The following COL27A1 variants were observed in gnomAD, a reference collection of about 807,000 sequenced individuals.
COL27A1 encodes the protein collagen type XXVII alpha 1 chain.
Under a neutral mutation model 251.3 loss-of-function variants are expected in COL27A1, and 106 were observed. That is an observed-to-expected ratio of 0.42 (90% CI 0.36 to 0.50). COL27A1 has a LOEUF of 0.50. COL27A1 is among the 20% of genes least tolerant of loss of function. The pLI, the probability that COL27A1 is intolerant of heterozygous loss-of-function variation, is 0.00. For missense variants in COL27A1, 2,325 were observed against 2,522.8 expected (o/e 0.92, Z 1.68); for synonymous variants, 1,000 against 986.3 (o/e 1.01, Z -0.26).
Position 114,168,832 on chromosome 9 carries a change from T to A in COL27A1, c.1277T>A (p.Ile426Asn), listed in dbSNP as rs779837538. ...GTCTCCCGTCCCGCAGAGAAGCCCATCCAGAGGAACCCGGGAATGCCCAGG... is the reference window on the plus strand; with the variant it reads ...GTCTCCCGTCCCGCAGAGAAGCCCAACCAGAGGAACCCGGGAATGCCCAGG... ...ARVSRPAEKP[I>N]QRNPGMPRPP... Residue 426 changes from isoleucine (I) to asparagine (N), a missense_variant, in exon 3 of 61, where the codon ATC becomes AAC. Around this residue, in one of 4 missense-constraint regions of COL27A1, gnomAD observed 1,183 missense variants for 1,144.1 expected, o/e 1.03. Transcript: ENST00000356083. 3 of 1,613,696 alleles carry A rather than the reference T, an allele frequency of 1.9e-6. No individual in the cohort carries two copies. The East Asian group carries it at 6.7e-5, about 36-fold the overall frequency.
intron 5 of COL27A1, among the ~76,000 whole-genome samples, chr9:114,191,735 A>G (rs1440926054): frequency 6.6e-6 from 1 of 152,212 alleles, no homozygotes; most frequent in Non-Finnish European, 1.5e-5. Context: ...ATACAAGTGC[A>G]TGTATCTTTG....
chr9:114,282,685 C>T (rs527451844), intron 39 of COL27A1, 121 bp downstream of exon 39: 19 of 643,466 alleles, frequency 3.0e-5, no homozygotes, highest in South Asian at 2.3e-4. Flanking sequence ...AGCTGAACAC[C>T]TGGTGCTCAT....
chr9:114,267,434 C>T, intron 33 of COL27A1, 70 bp from the exon 34 acceptor site: 1 of 1,388,442 alleles, frequency 7.2e-7, no homozygotes, highest in East Asian at 2.4e-5. Context: ...CTTGGAGCCT[C>T]AGTTACCCCC....
intron 3 of COL27A1, among the ~76,000 whole-genome samples, chr9:114,174,708 C>T (rs1022402691): frequency 6.6e-6 from 1 of 152,208 alleles, no homozygotes; most frequent in African/African-American, 2.4e-5. Flanking sequence ...GCTGGACAAA[C>T]TAAGGCCCGG....
chr9:114,184,193 G>A (rs571406756), intron 5 of COL27A1, among the ~76,000 whole-genome samples: 2 of 152,364 alleles, frequency 1.3e-5, no homozygotes, highest in Non-Finnish European at 2.9e-5. Flanking sequence ...ACCAGGTGAA[G>A]AGCACCCCCG....
intron 56 of COL27A1, among the ~76,000 whole-genome samples, chr9:114,303,292 G>A (rs1473690324): frequency 6.9e-6 from 1 of 144,470 alleles, no homozygotes; most frequent in Non-Finnish European, 1.5e-5. Flanking sequence ...AGGCTGGAGT[G>A]CAGTGGCACG....
intron 24 of COL27A1, among the ~76,000 whole-genome samples, chr9:114,248,349 C>G (rs1249709): frequency 6.6e-6 from 1 of 152,044 alleles, no homozygotes; most frequent in Non-Finnish European, 1.5e-5. Context: ...CCATAGCCCT[C>G]TCATTCTCAG....
chr9:114,213,046 G>A lies in COL27A1; in HGVS notation c.2367+2020G>A, dbSNP rs576271572. Reference sequence around the variant, plus strand: ...GCGTTGCTCCTTTACAGATGAGATCGCTTCTCGGAGAGGTAAATGATTAGG... The same window carrying A: ...GCGTTGCTCCTTTACAGATGAGATCACTTCTCGGAGAGGTAAATGATTAGG... On this transcript the variant is annotated intron_variant, in intron 12 of 60. Transcript: ENST00000356083. Among the ~76,000 whole-genome samples the A allele has an allele frequency of 3.9e-4, 60 of 152,314 alleles. 1 individual carries two copies. The highest frequency in any genetic ancestry group is 3.4e-3 in the Middle Eastern group (1 of 294).
chr9:114,267,384 C>T (rs1588828090), intron 33 of COL27A1, 120 bp from the exon 34 acceptor site: 2 of 749,152 alleles, frequency 2.7e-6, no homozygotes, highest in East Asian at 3.1e-5. Flanking sequence ...CCCACCTCTG[C>T]ATCTCTTGCA....
chr9:114,306,695 A>T lies in COL27A1; in HGVS notation c.5107+7A>T. The T allele has an allele frequency of 6.2e-7, 1 of 1,610,686 alleles. No homozygotes were observed. Among genetic ancestry groups the T allele is most frequent in the Non-Finnish European group, 8.5e-7 (1 of 1,178,588 alleles). On this transcript the variant is annotated splice_region_variant and intron_variant, in intron 58 of 60. Coordinates refer to ENST00000356083, the MANE Select transcript of COL27A1 (RefSeq NM_032888.4). Reference sequence around the variant, plus strand: ...GAGCAGAAGATGGTGGATGGTGAGAAGGCTTCCTGCCGGGGGTGGGTGCGC... The same window carrying T: ...GAGCAGAAGATGGTGGATGGTGAGATGGCTTCCTGCCGGGGGTGGGTGCGC...
rs1396153899 is a variant in COL27A1 at position 114,209,931 on chromosome 9, C to T, written c.2322+203C>T. 5.3e-5 allele frequency among the ~76,000 whole-genome samples: 8 copies of T among 152,302 alleles called. No individual in the cohort carries two copies. The East Asian group carries it at 1.2e-3, about 22-fold the overall frequency. On this transcript the variant is annotated intron_variant, in intron 11 of 60. Transcript: ENST00000356083. The stretch of plus-strand genomic sequence containing the variant: ...CAGCATGTGCGAAGTCAGGGATTTA[C>T]GGTAACTTGGCGAGTTTAACACTCA...
Position 114,198,711 on chromosome 9 carries a change from A to T in COL27A1, c.2124+2699A>T, listed in dbSNP as rs1336632595. The stretch of plus-strand genomic sequence containing the variant: ...AAAAAAAGAGGCTGCCTGCCCGAGA[A>T]GGTTTGTTTCTCTGCCACCGCCTGA... On this transcript the variant is annotated intron_variant, in intron 7 of 60. Coordinates refer to ENST00000356083, the MANE Select transcript of COL27A1 (RefSeq NM_032888.4). Among the ~76,000 whole-genome samples the T allele has an allele frequency of 3.3e-5, 5 of 152,234 alleles. No individual in the cohort carries two copies. In the East Asian group the frequency reaches 9.6e-4, roughly 29 times the overall value.
At chr9:114,189,086 A>G (rs1278800899) in intron 5 of COL27A1, among the ~76,000 whole-genome samples, 1 of 152,234 alleles carries the variant, frequency 6.6e-6, no homozygotes, top group African/African-American at 2.4e-5. Context: ...GGCTCTATTC[A>G]TCTATAAAAT....
rs116422650 is a variant in COL27A1, at chr9:114,292,295, A to G, written c.4584+85A>G. Reference sequence around the variant, plus strand: ...CACCTACATGTACAAACACATGCACACTCATACACACACACAAACACACTG... The same window carrying G: ...CACCTACATGTACAAACACATGCACGCTCATACACACACACAAACACACTG... On this transcript the variant is annotated intron_variant, in intron 49 of 60. Transcript: ENST00000356083. 6,015 of 1,027,352 alleles carry G rather than the reference A, an allele frequency of 5.9e-3. 247 individuals are homozygous for G. The African/African-American group carries it at 0.086, about 15-fold the overall frequency. 63.6% of individuals were successfully genotyped at this position (1,027,352 alleles called of 1,614,324 possible). A position where few individuals can be genotyped will look rare whatever the true frequency, so the allele number is the denominator to read the frequency against.
At chr9:114,284,339 G>A (rs1261016070) in intron 40 of COL27A1, among the ~76,000 whole-genome samples, 2 of 152,206 alleles carry the variant, frequency 1.3e-5, no homozygotes, top group African/African-American at 4.8e-5. Context: ...ACCTGGAGGG[G>A]TGTTGCGAGG....
intron 49 of COL27A1, among the ~76,000 whole-genome samples, chr9:114,296,277 C>A (rs1268723695): frequency 6.6e-6 from 1 of 152,242 alleles, no homozygotes; most frequent in Non-Finnish European, 1.5e-5. Flanking sequence ...AAGCCACATA[C>A]TGGAAGAAAA....
At position 114,183,515 on chromosome 9, in the gene COL27A1, G is replaced by A. The variant is rs150674163; in HGVS notation, c.2016+440G>A. Among the ~76,000 whole-genome samples, 191 of 152,276 alleles carry A rather than the reference G, an allele frequency of 1.3e-3. 1 individual carries two copies. The highest frequency in any genetic ancestry group is 3.4e-3 in the Middle Eastern group (1 of 294). On this transcript the variant is annotated intron_variant, in intron 5 of 60. Coordinates refer to ENST00000356083, the MANE Select transcript of COL27A1 (RefSeq NM_032888.4). Reference sequence around the variant, plus strand: ...CAGAGCCAAGGCCGGGAGACCAGGGGTGATATGGGGGAGAAAGGAGGCTAG... The same window carrying A: ...CAGAGCCAAGGCCGGGAGACCAGGGATGATATGGGGGAGAAAGGAGGCTAG...
At chr9:114,166,552 G>A (rs1485846064) in intron 2 of COL27A1, among the ~76,000 whole-genome samples, 1 of 152,222 alleles carries the variant, frequency 6.6e-6, no homozygotes, top group East Asian at 1.9e-4. Context: ...TTTGCAGGGG[G>A]TGATAGGGAG....
At chr9:114,194,853 T>A (rs1828999852) in intron 6 of COL27A1, among the ~76,000 whole-genome samples, 1 of 152,216 alleles carries the variant, frequency 6.6e-6, no homozygotes, top group African/African-American at 2.4e-5. Flanking sequence ...CTCAAAGCCT[T>A]TGCTGAGGTT....
Sources: allele counts gnomAD v4.1 joint callset (sites outside exome capture counted in the v4.1 genomes callset), GRCh38; gene constraint gnomAD v4.1.1; regional missense constraint gnomAD v4.1.1; transcripts MANE v1.5; gene names NCBI Gene and HGNC (gene_info 2026-07-23, HGNC 2026-07-21).